UNKL: variants seen among roughly 807,000 people sequenced by gnomAD.
UNKL encodes putative E3 ubiquitin-protein ligase UNKL.
Under a neutral mutation model 78.0 loss-of-function variants are expected in UNKL, and 60 were observed. The observed-to-expected ratio is 0.77, with a 90% confidence interval of 0.63 to 0.95. The LOEUF is 0.95. UNKL is among the 40% of genes least tolerant of loss of function. The pLI is 0.00. For missense variants in UNKL, 1,159 were observed against 1,045.7 expected (o/e 1.11, Z -1.49); for synonymous variants, 608 against 474.8 (o/e 1.28, Z -3.65).
chr16:1,409,852 T>G (rs556319343), intron 2 of UNKL, among the ~76,000 whole-genome samples: 1 of 151,654 alleles, frequency 6.6e-6, no homozygotes, highest in Non-Finnish European at 1.5e-5. Context: ...AGGCCAAGGC[T>G]AGCGGATCAC....
chr16:1,395,171 T>C (rs1313758619), intron 6 of UNKL, among the ~76,000 whole-genome samples: 1 of 148,110 alleles, frequency 6.8e-6, no homozygotes. Context: ...GTTCATTTTT[T>C]TTTTTTTTTT....
At chr16:1,385,409 G>T in intron 9 of UNKL, 24 bp from the exon 10 acceptor site, 1 of 1,339,190 alleles carries the variant, frequency 7.5e-7, no homozygotes, top group South Asian at 1.8e-5. Context: ...TAAACACCGT[G>T]AGCGCGCACC....
rs143717533 is a variant in UNKL, at chr16:1,370,284, C to T, written c.1431G>A (p.Ser477=). The T allele has an allele frequency of 1.8e-4, 272 of 1,533,926 alleles. 3 individuals are homozygous for T. In the South Asian group the frequency reaches 1.8e-3, roughly 10 times the overall value. Residue 477 remains serine, a synonymous_variant, in exon 12 of 15, where the codon TCG becomes TCA. Coordinates refer to ENST00000389221, the MANE Select transcript of UNKL (RefSeq NM_001372107.1). ...GSLPRAPSLH[S]PSSASTSPLG... ...GCGGCGAGGTGGACGCAGAGGATGG[C>T]GAGTGTAGCGATGGTGCTCTGGGCA...
rs1357958726 is a variant in UNKL, at chr16:1,394,203, T to C, written c.865A>G (p.Thr289Ala). Residue 289 changes from threonine to alanine, a missense_variant, in exon 7 of 15, where the codon ACA (threonine) becomes GCA (alanine). Thr to Ala is a moderately conservative substitution (Grantham distance 58). Transcript: ENST00000389221. ...GTTTGGCGCATGTCGTTGCATTTTG[T>C]AGATTTGTAGATCTGGGGAAAAAAG... ...QQFHPEIYKSTKCNDMRQTGY... is the reference protein window; with the variant it reads ...QQFHPEIYKSAKCNDMRQTGY... The C allele has an allele frequency of 1.9e-6, 3 of 1,550,566 alleles. No individual in the cohort carries two copies. Among genetic ancestry groups the C allele is most frequent in the African/African-American group, 2.7e-5 (2 of 73,058 alleles).
intron 9 of UNKL, among the ~76,000 whole-genome samples, chr16:1,389,172 C>T (rs2036942328): frequency 6.6e-6 from 1 of 151,928 alleles, no homozygotes; most frequent in South Asian, 2.1e-4. Flanking sequence ...TGGCTCATTT[C>T]AGTCAGCACA....
rs996203560 is a variant in UNKL at position 1,385,259 on chromosome 16, C to G, written c.1213G>C (p.Ala405Pro). ...GCGGGGCCGAGCGGGAGGGCACGGG[C>G]GGGGGGCGCGGGCAGCGCAGTGGGG... is the stretch of plus-strand genomic sequence containing the variant. ...SSPTALPAPP[A>P]RALPLGPASS... Residue 405 changes from alanine to proline, a missense_variant, in exon 10 of 15, where the codon GCC becomes CCC. Ala to Pro is a conservative substitution (Grantham distance 27, BLOSUM62 -1). Transcript: ENST00000389221. The G allele has an allele frequency of 7.6e-7, 1 of 1,308,946 alleles. No individual in the cohort carries two copies. The allele number at this position is 1,308,946 out of a possible 1,614,324, so 81.1% of individuals were successfully genotyped here. A position where few individuals can be genotyped will look rare whatever the true frequency, so the allele number is the denominator to read the frequency against.
chr16:1,385,311 C>A lies in UNKL; in HGVS notation c.1161G>T (p.Ala387=), dbSNP rs909764895. The A allele has an allele frequency of 1.4e-6, 2 of 1,404,872 alleles. No individual in the cohort carries two copies. The highest frequency in any genetic ancestry group is 1.5e-5 in the South Asian group (1 of 65,926). 87.0% of individuals were successfully genotyped at this position (1,404,872 alleles called of 1,614,324 possible). A position where few individuals can be genotyped will look rare whatever the true frequency, so the allele number is the denominator to read the frequency against. The change falls in exon 10 of 15, where the codon GCG becomes GCT. Residue 387 remains alanine (A), a synonymous_variant. Transcript: ENST00000389221. ...AGGAGCTGCCGGAGCCGGCGCTGGACGCCAGGCTGGACGCCACGCTGGAGC... is the reference window on the plus strand; with the variant it reads ...AGGAGCTGCCGGAGCCGGCGCTGGAAGCCAGGCTGGACGCCACGCTGGAGC... ...SVSSSVASSL[A]SSAGSGSSSP... is the part of the protein sequence containing the mutation.
At chr16:1,380,199 C>T (rs767321007) in intron 10 of UNKL, among the ~76,000 whole-genome samples, 23 of 152,204 alleles carry the variant, frequency 1.5e-4, no homozygotes, top group Non-Finnish European at 3.1e-4. Flanking sequence ...ACTAAAAATC[C>T]CTTAAATACA....
At chr16:1,397,105 C>G in intron 6 of UNKL, 73 bp downstream of exon 6, 1 of 1,467,874 alleles carries the variant, frequency 6.8e-7, no homozygotes, top group Non-Finnish European at 9.2e-7. Context: ...TGTGTGATAA[C>G]CACGCTGTGA....
chr16:1,385,025 G>A (rs535929526), intron 10 of UNKL, among the ~76,000 whole-genome samples, 183 bp downstream of exon 10: 2 of 152,336 alleles, frequency 1.3e-5, no homozygotes, highest in South Asian at 4.1e-4. Context: ...CTGAGTCAGG[G>A]CTTGTTTCCA....
chr16:1,411,757 G>A (rs1408138375), intron 2 of UNKL, among the ~76,000 whole-genome samples: 12 of 149,604 alleles, frequency 8.0e-5, no homozygotes, highest in Non-Finnish European at 1.6e-4. Flanking sequence ...CCTGGGAGGC[G>A]GAGGTTGCAG....
intron 10 of UNKL, among the ~76,000 whole-genome samples, chr16:1,381,928 G>T (rs567651074): frequency 6.6e-6 from 1 of 152,146 alleles, no homozygotes; most frequent in African/African-American, 2.4e-5. Context: ...GGGTGACAGG[G>T]CAAGACCCTG....
chr16:1,366,471 C>T (rs575930692), intron 14 of UNKL, 76 bp from the exon 15 acceptor site: 160 of 1,454,668 alleles, frequency 1.1e-4, no homozygotes, highest in South Asian at 6.2e-4. Flanking sequence ...GAGGGCCTTC[C>T]GGGCAGGACT....
chr16:1,390,805 G>A lies in UNKL; in HGVS notation c.1024-111C>T, dbSNP rs1304376856. The A allele has an allele frequency of 1.6e-5, 19 of 1,171,058 alleles. No homozygotes were observed. The East Asian group carries it at 2.4e-4, about 15-fold the overall frequency. The allele number at this position is 1,171,058 out of a possible 1,614,324, so 72.5% of individuals were successfully genotyped here. Reference sequence around the variant, plus strand: ...AGCACTTTGGGAGGCTGAGGCGGGCGGATCATCTGAGCTCAGGAGTTCGAG... The same window carrying A: ...AGCACTTTGGGAGGCTGAGGCGGGCAGATCATCTGAGCTCAGGAGTTCGAG... On this transcript the variant is annotated intron_variant, in intron 8 of 14. Transcript: ENST00000389221.
intron 2 of UNKL, among the ~76,000 whole-genome samples, chr16:1,410,191 G>T (rs1035603682): frequency 6.6e-6 from 1 of 151,988 alleles, no homozygotes; most frequent in Non-Finnish European, 1.5e-5. Flanking sequence ...GCTTAAGTCC[G>T]GGAGGTCGAG....
intron 10 of UNKL, among the ~76,000 whole-genome samples, chr16:1,374,733 G>A (rs769779290): frequency 6.6e-6 from 1 of 152,154 alleles, no homozygotes; most frequent in Non-Finnish European, 1.5e-5. Flanking sequence ...GTCAGGACTT[G>A]GTGGCCATGT....
intron 6 of UNKL, among the ~76,000 whole-genome samples, chr16:1,395,224 A>G (rs1212541616): frequency 6.8e-6 from 1 of 146,216 alleles, no homozygotes; most frequent in African/African-American, 2.6e-5. Flanking sequence ...CTGGAGTACA[A>G]TGGTGCCATC....
chr16:1,393,854 C>T (rs1483295036), intron 7 of UNKL, among the ~76,000 whole-genome samples: 1 of 152,228 alleles, frequency 6.6e-6, no homozygotes, highest in Non-Finnish European at 1.5e-5. Context: ...ACTCAGCCTC[C>T]AGGCTCAGGG....
chr16:1,369,140 G>C (rs1239633023), intron 12 of UNKL, among the ~76,000 whole-genome samples: 2 of 128,074 alleles, frequency 1.6e-5, no homozygotes, highest in Non-Finnish European at 3.1e-5. Context: ...CACAATCTCA[G>C]CTCACTGCGA....
Sources: gnomAD v4.1 joint callset for allele counts (sites outside exome capture counted in the v4.1 genomes callset) on GRCh38, gnomAD v4.1.1 for gene constraint, MANE v1.5 for transcripts, NCBI Gene and HGNC (gene_info 2026-07-23, HGNC 2026-07-21) for gene names.